ODAD2: variants seen among roughly 807,000 people sequenced by gnomAD.
The protein encoded by ODAD2 is outer dynein arm-docking complex subunit 2.
ODAD2 carries 89 observed loss-of-function variants against 106.8 expected under a neutral mutation model. The observed-to-expected ratio is 0.83, with a 90% CI of 0.70 to 0.99. The LOEUF is 0.99. Ranked by LOEUF, ODAD2 falls within the 50% of genes least tolerant of loss-of-function variation. The pLI is 0.00. For missense variants in ODAD2, 1,168 were observed against 1,238.5 expected (o/e 0.94, Z 0.85); for synonymous variants, 404 against 436.2 (o/e 0.93, Z 0.92).
chr10:27,961,819 C>T (rs1848164486), intron 9 of ODAD2, 104 bp from the exon 10 acceptor site: 2 of 931,038 alleles, frequency 2.1e-6, no homozygotes, highest in South Asian at 1.8e-5. Flanking sequence ...AATCTCAGTG[C>T]TTTGGGAGGC....
intron 2 of ODAD2, among the ~76,000 whole-genome samples, chr10:27,993,218 T>C (rs1850337738): frequency 6.6e-6 from 1 of 152,120 alleles, no homozygotes; most frequent in Admixed American, 6.6e-5. Flanking sequence ...ATCAGCCAAG[T>C]AGTTAATATG....
intron 19 of ODAD2, among the ~76,000 whole-genome samples, chr10:27,834,370 C>T (rs895207769): frequency 6.6e-6 from 1 of 152,114 alleles, no homozygotes; most frequent in Non-Finnish European, 1.5e-5. Flanking sequence ...ACATACAACC[C>T]GTGACACCAC....
Position 27,940,087 on chromosome 10 carries a change from A to T in ODAD2, c.1987-80T>A, listed in dbSNP as rs1275749019. On this transcript the variant is annotated intron_variant, in intron 13 of 19. Transcript: ENST00000305242. ...TTTACATTTATTAATAAACATGCTG[A>T]ACAAACTTTCTTAGGAAATAATCAC... 5.9e-5 allele frequency: 56 copies of T among 955,088 alleles called. No homozygotes were observed. The East Asian group carries it at 1.4e-3, about 25-fold the overall frequency. 59.2% of individuals were successfully genotyped at this position (955,088 alleles called of 1,614,324 possible).
intron 10 of ODAD2, among the ~76,000 whole-genome samples, chr10:27,953,340 T>A (rs1157647257): frequency 6.6e-6 from 1 of 152,158 alleles, no homozygotes; most frequent in Non-Finnish European, 1.5e-5. Flanking sequence ...TTCATTCCAA[T>A]AAAAAATCTT....
At chr10:27,831,267 C>T (rs1051498284) in intron 19 of ODAD2, among the ~76,000 whole-genome samples, 11 of 152,108 alleles carry the variant, frequency 7.2e-5, no homozygotes, top group Non-Finnish European at 1.5e-4. Flanking sequence ...GAATTGGAGG[C>T]AACATTTATA....
chr10:27,820,962 T>C (rs1433164334), intron 19 of ODAD2, among the ~76,000 whole-genome samples: 1 of 152,098 alleles, frequency 6.6e-6, no homozygotes, highest in African/African-American at 2.4e-5. Context: ...GCATTTTTAG[T>C]AGAGACAGGG....
chr10:27,961,656 T>C lies in ODAD2; in HGVS notation c.1298A>G (p.Asp433Gly), dbSNP rs1209461313. The C allele has an allele frequency of 3.1e-6, 5 of 1,609,298 alleles. No individual in the cohort carries two copies. The highest frequency in any genetic ancestry group is 1.3e-5 in the African/African-American group (1 of 74,824). The change falls in exon 10 of 20, where the codon GAT becomes GGT. Residue 433 changes from aspartate (D) to glycine (G), a missense_variant. By Grantham distance (94) the Asp-to-Gly change is moderately conservative. This residue lies in a region of ODAD2 where 37 missense variants were observed against 74.1 expected (regional missense o/e 0.50). Coordinates refer to ENST00000305242, the MANE Select transcript of ODAD2 (RefSeq NM_018076.5). ...CTGACGATGGTCAGGTGGTTCTTCA[T>C]CTTCCTCACTTTCTGAGGAGCTATC... ...VSDSSSESEEDEEPPDHRQEA... is the reference protein window; with the variant it reads ...VSDSSSESEEGEEPPDHRQEA...
chr10:27,907,867 C>A (rs1250883833), intron 16 of ODAD2, 90 bp from the exon 17 acceptor site: 2 of 915,916 alleles, frequency 2.2e-6, no homozygotes, highest in South Asian at 1.7e-5. Context: ...TATTTTTTCT[C>A]CTTTTGATAT....
intron 17 of ODAD2, among the ~76,000 whole-genome samples, chr10:27,893,726 G>A (rs529094657): frequency 4.7e-4 from 71 of 152,340 alleles, no homozygotes; most frequent in African/African-American, 1.5e-3. Context: ...CAGGGGCAGT[G>A]ACGGGGAGAA....
chr10:27,869,695 C>T (rs1397966300), intron 17 of ODAD2, among the ~76,000 whole-genome samples: 4 of 151,758 alleles, frequency 2.6e-5, no homozygotes, highest in Non-Finnish European at 4.4e-5. Context: ...CCACCATGTC[C>T]GGCTAATTTT....
chr10:27,938,644 G>A (rs962807519), intron 14 of ODAD2, among the ~76,000 whole-genome samples: 3 of 149,918 alleles, frequency 2.0e-5, no homozygotes, highest in Non-Finnish European at 3.0e-5. Context: ...CACTGTCTCA[G>A]GCTGAAGTCC....
intron 9 of ODAD2, among the ~76,000 whole-genome samples, chr10:27,966,947 T>C (rs1038666709): frequency 6.1e-5 from 9 of 147,300 alleles, no homozygotes; most frequent in African/African-American, 2.3e-4. Flanking sequence ...TGAAGACCTG[T>C]GGCTCAACAC....
rs193248025 is a variant in ODAD2, at chr10:27,856,988, A to G, written c.3021+3637T>C. ...GTCCCAAAAATAAATAAATAATAAT[A>G]ATATAAAGTATCTTAAGTAATTTTT... is the stretch of plus-strand genomic sequence containing the variant. On this transcript the variant is annotated intron_variant, in intron 19 of 19. Coordinates refer to ENST00000305242, the MANE Select transcript of ODAD2 (RefSeq NM_018076.5). 1.6e-4 allele frequency among the ~76,000 whole-genome samples: 24 copies of G among 152,266 alleles called. No homozygotes were observed. In the East Asian group the frequency reaches 3.3e-3, roughly 21 times the overall value.
intron 19 of ODAD2, among the ~76,000 whole-genome samples, chr10:27,827,390 T>C (rs796429186): frequency 0.02 from 2,761 of 136,594 alleles, 160 homozygotes; most frequent in East Asian, 0.2. Context: ...TATATATATA[T>C]ATATATATAT....
At chr10:27,847,850 G>C (rs369323249) in intron 19 of ODAD2, among the ~76,000 whole-genome samples, 3 of 152,018 alleles carry the variant, frequency 2.0e-5, no homozygotes, top group Admixed American at 2.0e-4. Context: ...AATACCTAGG[G>C]ATCCAACTTA....
rs898389457 is a variant in ODAD2 at position 27,980,709 on chromosome 10, C to A, written c.936+757G>T. ...AACAAGGATGTGAAGAAAGTGGAAT[C>A]TTTGGATAATGCTGGTGAGAATGAA... On this transcript the variant is annotated intron_variant, in intron 7 of 19. Transcript: ENST00000305242. Among the ~76,000 whole-genome samples the A allele has an allele frequency of 3.3e-4, 50 of 152,142 alleles. 2 individuals are homozygous for A. Among genetic ancestry groups the A allele is most frequent in the South Asian group, 2.1e-4 (1 of 4,816 alleles).
intron 16 of ODAD2, among the ~76,000 whole-genome samples, chr10:27,929,625 G>A (rs1845475322): frequency 6.6e-6 from 1 of 152,146 alleles, no homozygotes; most frequent in Non-Finnish European, 1.5e-5. Context: ...GAGAGCTAGA[G>A]AGTACTACAT....
intron 18 of ODAD2, 48 bp from the exon 19 acceptor site, chr10:27,860,894 C>T: frequency 6.6e-7 from 1 of 1,509,246 alleles, no homozygotes; most frequent in Non-Finnish European, 9.2e-7. Flanking sequence ...AATGACCCTG[C>T]AAGATCATGT....
chr10:27,965,812 T>C (rs892848752), intron 9 of ODAD2, among the ~76,000 whole-genome samples: 2 of 152,216 alleles, frequency 1.3e-5, no homozygotes, highest in African/African-American at 4.8e-5. Flanking sequence ...ATCATGATCA[T>C]TGTGCTGCAA....
Sources: allele counts gnomAD v4.1 joint callset (sites outside exome capture counted in the v4.1 genomes callset), GRCh38; gene constraint gnomAD v4.1.1; regional missense constraint gnomAD v4.1.1; transcripts MANE v1.5; gene names NCBI Gene and HGNC (gene_info 2026-07-23, HGNC 2026-07-21).